PIP5K1B: variants seen among roughly 807,000 people sequenced by gnomAD.
The protein encoded by PIP5K1B is phosphatidylinositol 4-phosphate 5-kinase type-1 beta.
PIP5K1B carries 42 observed loss-of-function variants against 67.0 expected under a neutral mutation model. The ratio of observed to expected loss-of-function variants is 0.63; its 90% CI spans 0.49 to 0.81. PIP5K1B has a LOEUF of 0.81. Ranked by LOEUF, PIP5K1B falls within the 30% of genes least tolerant of loss-of-function variation. The pLI, the probability that PIP5K1B is intolerant of heterozygous loss-of-function variation, is 0.00. For missense variants in PIP5K1B, 459 were observed against 646.3 expected (o/e 0.71, Z 3.14); for synonymous variants, 214 against 231.4 (o/e 0.92, Z 0.68).
intron 14 of PIP5K1B, among the ~76,000 whole-genome samples, chr9:68,966,209 C>G (rs1313304188): frequency 1.3e-5 from 2 of 152,038 alleles, no homozygotes; most frequent in Non-Finnish European, 2.9e-5. Context: ...AATTCCCATA[C>G]AGAAGAATTC....
intron 2 of PIP5K1B, among the ~76,000 whole-genome samples, chr9:68,753,515 CTTTTTT>C (rs71500334): frequency 2.1e-4 from 8 of 38,280 alleles, no homozygotes; most frequent in Admixed American, 4.9e-4. Context: ...AATTTTGTTT[CTTTTTT>C]TTTTTTTTTT....
chr9:68,868,232 T>TCCTA lies in PIP5K1B; in HGVS notation c.200+4265_200+4266insCCTA, dbSNP rs1373175636. 6.2e-3 allele frequency among the ~76,000 whole-genome samples: 942 copies of TCCTA among 152,272 alleles called. 27 individuals are homozygous for TCCTA. The highest frequency in any genetic ancestry group is 0.056 in the Admixed American group (854 of 15,286). On this transcript the variant is annotated intron_variant, in intron 5 of 15. Coordinates refer to ENST00000265382, the MANE Select transcript of PIP5K1B (RefSeq NM_003558.4). ...CAGAAGCTCAAGGTTATAGATAGGT[T>TCCTA]TCATGCATTGATAGGATAAAGAAGA... is the stretch of plus-strand genomic sequence containing the variant.
intron 8 of PIP5K1B, among the ~76,000 whole-genome samples, chr9:68,909,067 G>T (rs573305749): frequency 1.7e-4 from 26 of 152,184 alleles, no homozygotes; most frequent in Non-Finnish European, 3.1e-4. Context: ...ATTAATTTCT[G>T]TTTTTTTCTC....
chr9:68,802,656 A>G (rs916807576), intron 2 of PIP5K1B, among the ~76,000 whole-genome samples: 1 of 152,176 alleles, frequency 6.6e-6, no homozygotes, highest in Non-Finnish European at 1.5e-5. Flanking sequence ...CCTGAGCTGC[A>G]TCTTGGAGGA....
At chr9:68,828,441 C>T (rs899903404) in intron 4 of PIP5K1B, among the ~76,000 whole-genome samples, 1 of 152,208 alleles carries the variant, frequency 6.6e-6, no homozygotes, top group Non-Finnish European at 1.5e-5. Flanking sequence ...CTACAGGATC[C>T]TTGACCCAAA....
chr9:68,818,686 T>A (rs1270144050), intron 3 of PIP5K1B, 141 bp downstream of exon 3: 2 of 152,064 alleles, frequency 1.3e-5, no homozygotes, highest in African/African-American at 2.4e-5. Flanking sequence ...CAAATTTGAA[T>A]AAAACATCAA....
intron 12 of PIP5K1B, among the ~76,000 whole-genome samples, chr9:68,929,567 C>A (rs1329890987): frequency 6.6e-6 from 1 of 152,198 alleles, no homozygotes; most frequent in African/African-American, 2.4e-5. Flanking sequence ...TCAGTGTTCT[C>A]CAGTGGCTTT....
chr9:68,941,032 A>G (rs961705652), intron 14 of PIP5K1B: 2 of 605,176 alleles, frequency 3.3e-6, no homozygotes, highest in African/African-American at 1.8e-5. Flanking sequence ...ACTTGGCTCA[A>G]TGGAAGAAGA....
chr9:68,794,463 T>C (rs1407364961), intron 2 of PIP5K1B, among the ~76,000 whole-genome samples: 1 of 152,142 alleles, frequency 6.6e-6, no homozygotes, highest in African/African-American at 2.4e-5. Flanking sequence ...ATTTTATAAG[T>C]AAATGTTTTT....
intron 6 of PIP5K1B, among the ~76,000 whole-genome samples, chr9:68,878,259 T>TG (rs1336716278): frequency 5.3e-5 from 8 of 152,178 alleles, no homozygotes; most frequent in Non-Finnish European, 1.2e-4. Context: ...GCCTTAGACT[T>TG]GCGTTTCACA....
At chr9:68,740,949 G>A (rs1014280721) in intron 1 of PIP5K1B, among the ~76,000 whole-genome samples, 2 of 152,222 alleles carry the variant, frequency 1.3e-5, no homozygotes, top group African/African-American at 4.8e-5. Flanking sequence ...GGGACTGGGG[G>A]AAGTTTTAGA....
chr9:68,900,406 A>G (rs1825302475), intron 8 of PIP5K1B, among the ~76,000 whole-genome samples: 2 of 152,226 alleles, frequency 1.3e-5, no homozygotes, highest in Non-Finnish European at 1.5e-5. Flanking sequence ...GAAAATGTAT[A>G]TATTAATTTT....
chr9:68,991,334 G>A, intron 15 of PIP5K1B, 77 bp downstream of exon 15: 1 of 796,382 alleles, frequency 1.3e-6, no homozygotes, highest in Non-Finnish European at 2.2e-6. Flanking sequence ...ACAAGAACAA[G>A]TTCAATAAAA....
chr9:68,959,916 T>C (rs1016631210), intron 14 of PIP5K1B, among the ~76,000 whole-genome samples: 7 of 152,228 alleles, frequency 4.6e-5, no homozygotes, highest in South Asian at 2.1e-4. Context: ...GTCTGCTAAG[T>C]TTGGTGCACA....
intron 1 of PIP5K1B, among the ~76,000 whole-genome samples, chr9:68,717,743 G>A (rs1827702355): frequency 6.6e-6 from 1 of 152,120 alleles, no homozygotes; most frequent in Admixed American, 6.5e-5. Context: ...TCAGTACCTT[G>A]GATAGTCCTT....
intron 2 of PIP5K1B, among the ~76,000 whole-genome samples, chr9:68,817,813 C>T (rs566730264): frequency 6.6e-6 from 1 of 151,260 alleles, no homozygotes; most frequent in East Asian, 1.9e-4. Context: ...ACCTTAGCCT[C>T]CCAAAGTGCT....
chr9:68,920,359 C>CTTTTTTTTTTTTTTTT lies in PIP5K1B; in HGVS notation c.1116+641_1116+656dup, dbSNP rs5898051. Among the ~76,000 whole-genome samples the CTTTTTTTTTTTTTTTT allele has an allele frequency of 2.4e-3, 239 of 98,372 alleles. 85 individuals are homozygous for CTTTTTTTTTTTTTTTT. Among genetic ancestry groups the CTTTTTTTTTTTTTTTT allele is most frequent in the African/African-American group, 7.8e-3 (214 of 27,490 alleles). The allele number at this position is 98,372 out of a possible 152,430, so 64.5% of individuals were successfully genotyped here. A position where few individuals can be genotyped will look rare whatever the true frequency, so the allele number is the denominator to read the frequency against. On this transcript the variant is annotated intron_variant, in intron 11 of 15. Transcript: ENST00000265382. ...ATACATGCTGGCTGCCTGAGGTTGT[C>CTTTTTTTTTTTTTTTT]TTTTTTTTTTTTTTTTTTTTTTTTT...
In PIP5K1B at chr9:68,729,571, C is replaced by T. The variant is rs936469686; in HGVS notation, c.-242-12930C>T. Among the ~76,000 whole-genome samples, 4 of 152,128 alleles carry T rather than the reference C, an allele frequency of 2.6e-5. No homozygotes were observed. In the East Asian group the frequency reaches 7.7e-4, roughly 29 times the overall value. On this transcript the variant is annotated intron_variant, in intron 1 of 15. Transcript: ENST00000265382. ...TCTATATCTATACACACATAATGGTCAGTATCCCGAATATGTAAGGTATGT... is the reference window on the plus strand; with the variant it reads ...TCTATATCTATACACACATAATGGTTAGTATCCCGAATATGTAAGGTATGT...
chr9:68,980,611 A>C (rs1829846940), intron 14 of PIP5K1B, among the ~76,000 whole-genome samples: 1 of 152,174 alleles, frequency 6.6e-6, no homozygotes, highest in East Asian at 1.9e-4. Context: ...TGTACTATCC[A>C]AACTGATCCT....
Sources: gnomAD v4.1 joint callset for allele counts (sites outside exome capture counted in the v4.1 genomes callset) on GRCh38, gnomAD v4.1.1 for gene constraint, MANE v1.5 for transcripts, NCBI Gene and HGNC (gene_info 2026-07-23, HGNC 2026-07-21) for gene names.